Variants in ZBTB8A observed in about 807,000 individuals in gnomAD.
ZBTB8A encodes the protein zinc finger and BTB domain-containing protein 8A.
In ZBTB8A, 19 loss-of-function variants were observed where a neutral mutation model predicts 37.8. The observed-to-expected ratio is 0.50, with a 90% CI of 0.35 to 0.74. The LOEUF (loss-of-function observed/expected upper bound fraction) is 0.74. ZBTB8A is among the 30% of genes least tolerant of loss of function. ZBTB8A has a pLI of 0.01. For missense variants in ZBTB8A, 394 were observed against 537.8 expected (o/e 0.73, Z 2.65); for synonymous variants, 181 against 185.2 (o/e 0.98, Z 0.19).
At position 32,587,712 on chromosome 1, in the gene ZBTB8A, C is replaced by T. The variant is rs373743871; in HGVS notation, c.-1-5219C>T. 2.8e-4 allele frequency among the ~76,000 whole-genome samples: 43 copies of T among 152,074 alleles called. 1 individual carries two copies. Among genetic ancestry groups the T allele is most frequent in the African/African-American group, 8.7e-4 (36 of 41,416 alleles). On this transcript the variant is annotated intron_variant, in intron 2 of 4. Coordinates refer to ENST00000373510, the MANE Select transcript of ZBTB8A (RefSeq NM_001040441.3). Reference sequence around the variant, plus strand: ...CTCTTTCCTGGGATACAACTAAAATCCTTAGAATCTCCAAAGTGATATCTT... The same window carrying T: ...CTCTTTCCTGGGATACAACTAAAATTCTTAGAATCTCCAAAGTGATATCTT...
Position 32,578,116 on chromosome 1 carries a change from C to G in ZBTB8A, c.-1-14815C>G, listed in dbSNP as rs543479084. ...TTGAGATGGAGTCTTGCTCTGTCGC[C>G]CAGGCTGGCACAACCCTAGCTTACT... On this transcript the variant is annotated intron_variant, in intron 2 of 4. Transcript: ENST00000373510. 3.3e-5 allele frequency among the ~76,000 whole-genome samples: 5 copies of G among 151,824 alleles called. No individual in the cohort carries two copies. In the South Asian group the frequency reaches 1.0e-3, roughly 32 times the overall value.
rs546410998 is a variant in ZBTB8A at position 32,565,328 on chromosome 1, C to T, written c.-2+11788C>T. ...GCGACAGGGCAAGACCCTGTCCCCTCCCCCCAAAAAAAGAAAAGAAAAAAA... is the reference window on the plus strand; with the variant it reads ...GCGACAGGGCAAGACCCTGTCCCCTTCCCCCAAAAAAAGAAAAGAAAAAAA... On this transcript the variant is annotated intron_variant, in intron 2 of 4. Coordinates refer to ENST00000373510, the MANE Select transcript of ZBTB8A (RefSeq NM_001040441.3). 3.3e-5 allele frequency among the ~76,000 whole-genome samples: 5 copies of T among 151,544 alleles called. No individual in the cohort carries two copies. In the South Asian group the frequency reaches 8.4e-4, roughly 25 times the overall value.
chr1:32,540,073 C>T (rs1412325935), intron 1 of ZBTB8A, among the ~76,000 whole-genome samples: 1 of 151,908 alleles, frequency 6.6e-6, no homozygotes, highest in Non-Finnish European at 1.5e-5. Flanking sequence ...CTCGGTGCAG[C>T]CTCCATCCTT....
chr1:32,575,223 T>G (rs1644350541), intron 2 of ZBTB8A, among the ~76,000 whole-genome samples: 2 of 148,866 alleles, frequency 1.3e-5, no homozygotes, highest in African/African-American at 5.0e-5. Context: ...TTTCTTTTCT[T>G]TCCTTTTTTT....
At chr1:32,567,263 C>A (rs1191634380) in intron 2 of ZBTB8A, among the ~76,000 whole-genome samples, 3 of 152,082 alleles carry the variant, frequency 2.0e-5, no homozygotes, top group Non-Finnish European at 4.4e-5. Context: ...TAAGAACTCA[C>A]AATCACAAGA....
chr1:32,549,699 C>T (rs1476814932), intron 1 of ZBTB8A, among the ~76,000 whole-genome samples: 2 of 152,040 alleles, frequency 1.3e-5, no homozygotes, highest in African/African-American at 4.8e-5. Context: ...CACTGCACTT[C>T]AGCACTTCAT....
intron 2 of ZBTB8A, among the ~76,000 whole-genome samples, chr1:32,586,180 G>A (rs1022462060): frequency 2.0e-5 from 3 of 151,588 alleles, no homozygotes; most frequent in Admixed American, 6.6e-5. Context: ...ATTAACCGGG[G>A]TGGTGGTGCA....
chr1:32,591,741 T>A (rs1481204355), intron 2 of ZBTB8A, among the ~76,000 whole-genome samples: 1 of 152,062 alleles, frequency 6.6e-6, no homozygotes, highest in Non-Finnish European at 1.5e-5. Flanking sequence ...AGACCTCATC[T>A]CTATATTTAA....
chr1:32,597,563 A>G (rs72654007), intron 4 of ZBTB8A, among the ~76,000 whole-genome samples: 10,496 of 152,182 alleles, frequency 0.069, 357 homozygotes, highest in African/African-American at 0.087. Context: ...TTCTCAATCC[A>G]TTTCCTTTAG....
intron 2 of ZBTB8A, among the ~76,000 whole-genome samples, chr1:32,570,695 A>G (rs966125064): frequency 2.0e-5 from 3 of 152,114 alleles, no homozygotes; most frequent in Admixed American, 1.3e-4. Context: ...TTATTTTCCA[A>G]CTGTTCATTG....
intron 1 of ZBTB8A, among the ~76,000 whole-genome samples, chr1:32,544,935 C>A (rs1250286939): frequency 6.6e-6 from 1 of 152,134 alleles, no homozygotes; most frequent in Non-Finnish European, 1.5e-5. Context: ...CACCTCTTAG[C>A]TGTTGCAAAT....
intron 2 of ZBTB8A, among the ~76,000 whole-genome samples, chr1:32,558,367 C>T (rs1644218762): frequency 6.6e-6 from 1 of 151,036 alleles, no homozygotes; most frequent in African/African-American, 2.4e-5. Flanking sequence ...CAGTAGTTAG[C>T]TACTTAGAGA....
At chr1:32,580,420 C>T (rs1410730263) in intron 2 of ZBTB8A, among the ~76,000 whole-genome samples, 2 of 151,906 alleles carry the variant, frequency 1.3e-5, no homozygotes, top group South Asian at 2.1e-4. Flanking sequence ...CATGGTGGCA[C>T]ATGCCTATAG....
intron 2 of ZBTB8A, among the ~76,000 whole-genome samples, chr1:32,568,359 T>A (rs987714485): frequency 2.6e-5 from 4 of 151,978 alleles, no homozygotes; most frequent in Non-Finnish European, 4.4e-5. Flanking sequence ...AACTGTAATC[T>A]CCCTTACGTG....
Position 32,601,383 on chromosome 1 carries a change from A to G in ZBTB8A, c.*964A>G, listed in dbSNP as rs532324761. ...CAGCTACTCGGGAGGCTGAGGCAGG[A>G]GAATCGATTGAACCTGGAAGGCAGA... On this transcript the variant is annotated 3_prime_UTR_variant, in exon 5 of 5. Coordinates refer to ENST00000373510, the MANE Select transcript of ZBTB8A (RefSeq NM_001040441.3). The G allele has an allele frequency of 1.6e-5, 5 of 306,780 alleles. No homozygotes were observed. The South Asian group carries it at 8.2e-4, about 50-fold the overall frequency. The allele number at this position is 306,780 out of a possible 1,614,324, so 19.0% of individuals were successfully genotyped here.
intron 1 of ZBTB8A, among the ~76,000 whole-genome samples, chr1:32,549,036 C>G (rs1162864602): frequency 2.0e-5 from 3 of 151,370 alleles, no homozygotes; most frequent in Non-Finnish European, 4.4e-5. Flanking sequence ...ACTGAAAATA[C>G]AAAAATTAGC....
At chr1:32,568,418 G>T (rs1003243811) in intron 2 of ZBTB8A, among the ~76,000 whole-genome samples, 1 of 150,204 alleles carries the variant, frequency 6.7e-6, no homozygotes, top group Non-Finnish European at 1.5e-5. Context: ...ATGGAGTCTC[G>T]CTCTGTCGCC....
At chr1:32,539,709 C>A (rs1407795131) in intron 1 of ZBTB8A, 137 bp downstream of exon 1, 2 of 678 alleles carry the variant, frequency 2.9e-3, no homozygotes, top group African/African-American at 6.3e-3. Context: ...GCGCCTCCCC[C>A]AGACGTCCCC....
chr1:32,540,853 A>C (rs1160107385), intron 1 of ZBTB8A, among the ~76,000 whole-genome samples: 1 of 152,166 alleles, frequency 6.6e-6, no homozygotes, highest in African/African-American at 2.4e-5. Context: ...GGAAGTGAGA[A>C]TCTGGCTTAG....
Sources: allele counts gnomAD v4.1 joint callset (sites outside exome capture counted in the v4.1 genomes callset), GRCh38; gene constraint gnomAD v4.1.1; transcripts MANE v1.5; gene names NCBI Gene and HGNC (gene_info 2026-07-23, HGNC 2026-07-21).